ZNG1B: variants seen among roughly 807,000 people sequenced by gnomAD.
ZNG1B encodes Zn regulated GTPase metalloprotein activator 1B.
the ZNG1B span, among the ~76,000 whole-genome samples, chr2:113,442,402 T>A: frequency 6.6e-6 from 1 of 152,212 alleles, no homozygotes; most frequent in Non-Finnish European, 1.5e-5. Flanking sequence ...TGATTTCTTT[T>A]AAAATGTACT....
chr2:113,439,661 G>A, the ZNG1B span, among the ~76,000 whole-genome samples: 1 of 152,132 alleles, frequency 6.6e-6, no homozygotes. Context: ...TTTCCAGCCT[G>A]CCAAATTGGC....
At chr2:113,472,995 T>A in the ZNG1B span, among the ~76,000 whole-genome samples, 2 of 150,774 alleles carry the variant, frequency 1.3e-5, no homozygotes, top group Admixed American at 6.6e-5. Flanking sequence ...ATATGAACTT[T>A]AAAGTAGTTT....
chr2:113,456,491 C>G, the ZNG1B span, among the ~76,000 whole-genome samples: 1 of 150,926 alleles, frequency 6.6e-6, no homozygotes, highest in Non-Finnish European at 1.5e-5. Flanking sequence ...AAATGCCATG[C>G]TAAAAGTCAA....
the ZNG1B span, among the ~76,000 whole-genome samples, chr2:113,446,822 A>G: frequency 1.3e-5 from 2 of 151,784 alleles, no homozygotes; most frequent in South Asian, 4.2e-4. Context: ...TCATACACAC[A>G]CACACAAGTA....
chr2:113,437,734 G>A, the ZNG1B span: 5 of 1,523,876 alleles, frequency 3.3e-6, no homozygotes, highest in Admixed American at 5.6e-5. Context: ...TAATCCGGGC[G>A]GGATCAGCGA....
the ZNG1B span, among the ~76,000 whole-genome samples, chr2:113,456,374 G>A: frequency 6.6e-5 from 10 of 151,250 alleles, no homozygotes; most frequent in Non-Finnish European, 1.2e-4. Flanking sequence ...TTTATTATAG[G>A]CATGTTTGAA....
At chr2:113,442,790 A>G in the ZNG1B span, among the ~76,000 whole-genome samples, 13 of 152,168 alleles carry the variant, frequency 8.5e-5, no homozygotes, top group African/African-American at 1.4e-4. Flanking sequence ...AAACTACTCG[A>G]TTTTATGGGA....
the ZNG1B span, among the ~76,000 whole-genome samples, chr2:113,464,938 T>G: frequency 6.6e-6 from 1 of 152,100 alleles, no homozygotes; most frequent in East Asian, 1.9e-4. Flanking sequence ...TATATGTGAT[T>G]TATTGTTTGA....
At chr2:113,472,949 G>A in the ZNG1B span, among the ~76,000 whole-genome samples, 1 of 150,994 alleles carries the variant, frequency 6.6e-6, no homozygotes, top group Non-Finnish European at 1.5e-5. Flanking sequence ...TTTTGGCTTA[G>A]GATTGACTTG....
At chr2:113,478,165 A>G in the ZNG1B span, among the ~76,000 whole-genome samples, 1 of 152,208 alleles carries the variant, frequency 6.6e-6, no homozygotes, top group African/African-American at 2.4e-5. Context: ...ATGAAAATGG[A>G]CATGTCTCTG....
chr2:113,488,303 C>T, the ZNG1B span, among the ~76,000 whole-genome samples: 8,270 of 152,050 alleles, frequency 0.054, 738 homozygotes, highest in African/African-American at 0.19. Flanking sequence ...AAGCCACATC[C>T]ATAGGAAAAG....
the ZNG1B span, among the ~76,000 whole-genome samples, chr2:113,475,557 G>C: frequency 6.6e-6 from 1 of 151,632 alleles, no homozygotes; most frequent in African/African-American, 2.4e-5. Flanking sequence ...TATTTTGCTC[G>C]TTAGTTGATG....
the ZNG1B span, among the ~76,000 whole-genome samples, chr2:113,453,841 C>T: frequency 1.3e-5 from 2 of 149,164 alleles, no homozygotes; most frequent in Non-Finnish European, 3.0e-5. Flanking sequence ...TATTTTAATC[C>T]TCCAGGCAAT....
chr2:113,456,264 C>T, the ZNG1B span, among the ~76,000 whole-genome samples: 2 of 152,132 alleles, frequency 1.3e-5, no homozygotes, highest in African/African-American at 2.4e-5. Context: ...TACAGTATTA[C>T]AGTTTCACGC....
At chr2:113,453,533 G>A in the ZNG1B span, among the ~76,000 whole-genome samples, 20 of 151,408 alleles carry the variant, frequency 1.3e-4, no homozygotes, top group East Asian at 3.9e-4. Context: ...GATTACAGGC[G>A]TGAGCCACCA....
chr2:113,467,021 A>G, the ZNG1B span, among the ~76,000 whole-genome samples: 7 of 142,676 alleles, frequency 4.9e-5, no homozygotes, highest in African/African-American at 1.6e-4. Flanking sequence ...CTGAGATCGC[A>G]CCACTGCACT....
the ZNG1B span, among the ~76,000 whole-genome samples, chr2:113,488,970 C>A: frequency 7.1e-6 from 1 of 141,314 alleles, no homozygotes; most frequent in African/African-American, 2.7e-5. Flanking sequence ...GAAAACTTCC[C>A]CAGCTTTGCT....
chr2:113,461,233 AT>A, the ZNG1B span, among the ~76,000 whole-genome samples: 1 of 148,182 alleles, frequency 6.7e-6, no homozygotes, highest in South Asian at 2.1e-4. Flanking sequence ...TTTTTTTTAA[AT>A]TTTTTTATTT....
chr2:113,484,354 G>A, the ZNG1B span, among the ~76,000 whole-genome samples: 1 of 149,418 alleles, frequency 6.7e-6, no homozygotes, highest in Non-Finnish European at 1.5e-5. Context: ...TGTGTATAGA[G>A]AGGGCACCTC....
Sources: gnomAD v4.1 joint callset for allele counts (sites outside exome capture counted in the v4.1 genomes callset) on GRCh38, gnomAD v4.1.1 for gene constraint, MANE v1.5 for transcripts, NCBI Gene and HGNC (gene_info 2026-07-23, HGNC 2026-07-21) for gene names.